Variants in BCL2L14 observed in about 807,000 individuals in gnomAD.
BCL2L14 encodes BCL2 like 14, also known as apoptosis facilitator Bcl-2-like protein 14.
BCL2L14 carries 27 observed loss-of-function variants against 35.3 expected under a neutral mutation model. That is an observed-to-expected ratio of 0.76 (90% CI 0.56 to 1.05). BCL2L14 has a LOEUF of 1.05. Among genes scored for constraint, BCL2L14 ranks in the 50% least tolerant of loss-of-function variants. The pLI is 0.00. For synonymous variants in BCL2L14, 139 were observed against 145.9 expected (o/e 0.95, Z 0.34); for missense variants, 377 against 382.6 (o/e 0.99, Z 0.12).
chr12:12,088,225 A>T (rs1422922866), intron 3 of BCL2L14, among the ~76,000 whole-genome samples: 1 of 152,180 alleles, frequency 6.6e-6, no homozygotes, highest in Non-Finnish European at 1.5e-5. Flanking sequence ...GGGAACCCAA[A>T]TGTGACTTCT....
chr12:12,062,426 T>C lies in BCL2L14; in HGVS notation c.-272+10579T>C, dbSNP rs549194658. The stretch of plus-strand genomic sequence containing the variant: ...CCAGCAAAGGCAGGCTATACTATAG[T>C]ACAAGCCACTAGCCCGCCTCTTAGA... On this transcript the variant is annotated intron_variant, in intron 2 of 3. Coordinates refer to the BCL2L14 transcript ENST00000461264. 9.3e-3 allele frequency among the ~76,000 whole-genome samples: 1,403 copies of C among 150,128 alleles called. 22 individuals carry two copies. Among genetic ancestry groups the C allele is most frequent in the Middle Eastern group, 0.014 (4 of 294 alleles).
At chr12:12,058,299 A>G (rs1359007362) in intron 2 of BCL2L14, among the ~76,000 whole-genome samples, 1 of 149,346 alleles carries the variant, frequency 6.7e-6, no homozygotes, top group African/African-American at 2.5e-5. Context: ...TGCCCAGGCT[A>G]GAGTGCAGTG....
At chr12:12,075,145 C>CA (rs1948752355) in intron 1 of BCL2L14, among the ~76,000 whole-genome samples, 1 of 151,502 alleles carries the variant, frequency 6.6e-6, no homozygotes, top group Non-Finnish European at 1.5e-5. Context: ...ATTTTTGAGA[C>CA]AGAGTCTCCG....
At chr12:12,084,545 T>C (rs1402342037) in intron 2 of BCL2L14, among the ~76,000 whole-genome samples, 1 of 152,118 alleles carries the variant, frequency 6.6e-6, no homozygotes, top group African/African-American at 2.4e-5. Context: ...GGCCTGCTCT[T>C]CCTGGCGCCA....
chr12:12,098,219 A>G (rs1949357544), intron 5 of BCL2L14, among the ~76,000 whole-genome samples: 1 of 152,176 alleles, frequency 6.6e-6, no homozygotes, highest in African/African-American at 2.4e-5. Flanking sequence ...AAGTGTCTCG[A>G]TGGCTCTCTC....
intron 2 of BCL2L14, chr12:12,055,126 C>T (rs941749445): frequency 6.6e-6 from 1 of 152,156 alleles, no homozygotes; most frequent in Non-Finnish European, 1.5e-5. Context: ...TTTGCTCCCA[C>T]TCACACATCT....
intron 2 of BCL2L14, among the ~76,000 whole-genome samples, chr12:12,086,735 C>T (rs1949050750): frequency 6.6e-6 from 1 of 152,176 alleles, no homozygotes; most frequent in Non-Finnish European, 1.5e-5. Context: ...ATCTCATTGC[C>T]CTGAGAGCAG....
chr12:12,087,176 G>A (rs1293930578), intron 2 of BCL2L14, 37 bp from the exon 3 acceptor site: 2 of 1,605,636 alleles, frequency 1.2e-6, no homozygotes, highest in Non-Finnish European at 1.7e-6. Flanking sequence ...ATGAAGTTCT[G>A]GGAAGGGCCT....
intron 1 of BCL2L14, among the ~76,000 whole-genome samples, chr12:12,076,258 G>A (rs747186292): frequency 6.6e-6 from 1 of 151,924 alleles, no homozygotes; most frequent in Non-Finnish European, 1.5e-5. Context: ...GAGCGGGAAG[G>A]GGTAAGTGGA....
In BCL2L14 at chr12:12,080,028, C is replaced by T. The variant is rs530000247; in HGVS notation, c.433+290C>T. ...GACCATCCTGGCTAACACGGTAAAA[C>T]CCCGTCTCCACTAAAAAATACAAAA... On this transcript the variant is annotated intron_variant, in intron 2 of 5. Coordinates refer to ENST00000308721, the MANE Select transcript of BCL2L14 (RefSeq NM_138723.2). 1.1e-4 allele frequency among the ~76,000 whole-genome samples: 17 copies of T among 152,048 alleles called. 1 individual carries two copies. Among genetic ancestry groups the T allele is most frequent in the East Asian group, 7.8e-4 (4 of 5,148 alleles).
chr12:12,071,977 G>T (rs1055866841), intron 1 of BCL2L14: 17 of 152,500 alleles, frequency 1.1e-4, no homozygotes, highest in African/African-American at 4.1e-4. Flanking sequence ...TGCTGTGGGA[G>T]GCTCCGTGGG....
chr12:12,052,494 T>G (rs563859292), intron 2 of BCL2L14, among the ~76,000 whole-genome samples: 2 of 152,352 alleles, frequency 1.3e-5, no homozygotes, highest in Admixed American at 1.3e-4. Flanking sequence ...GTGCCTGGCT[T>G]ATTTCACTTA....
At chr12:12,086,806 T>A (rs2136764240) in intron 2 of BCL2L14, among the ~76,000 whole-genome samples, 1 of 152,328 alleles carries the variant, frequency 6.6e-6, no homozygotes, top group East Asian at 1.9e-4. Flanking sequence ...AATGTCCTCC[T>A]ATGCATGTAG....
chr12:12,056,550 C>T (rs373512478), intron 2 of BCL2L14, among the ~76,000 whole-genome samples: 4 of 152,318 alleles, frequency 2.6e-5, no homozygotes, highest in African/African-American at 9.6e-5. Context: ...AGTTAATAGG[C>T]TGGGCACGGT....
intron 2 of BCL2L14, among the ~76,000 whole-genome samples, chr12:12,056,924 C>T (rs1279233634): frequency 6.6e-6 from 1 of 152,178 alleles, no homozygotes; most frequent in Admixed American, 6.5e-5. Flanking sequence ...ATCAAAGAGA[C>T]TGAAGGGGAC....
intron 2 of BCL2L14, among the ~76,000 whole-genome samples, chr12:12,063,024 C>T (rs966220580): frequency 2.0e-5 from 3 of 152,206 alleles, no homozygotes; most frequent in South Asian, 4.1e-4. Context: ...AAGGTACAGC[C>T]CATTTGAGCT....
chr12:12,050,767 CACACTA>C (rs1948341152), intron 1 of BCL2L14, among the ~76,000 whole-genome samples: 1 of 111,134 alleles, frequency 9.0e-6, no homozygotes, highest in Admixed American at 1.0e-4. Flanking sequence ...ACACATAAAA[CACACTA>C]ACACTAATAG....
At position 12,060,887 on chromosome 12, in the gene BCL2L14, G is replaced by A. The variant is rs368570177; in HGVS notation, c.-272+9040G>A. Among the ~76,000 whole-genome samples, 70 of 75,238 alleles carry A rather than the reference G, an allele frequency of 9.3e-4. 9 individuals are homozygous for A. The highest frequency in any genetic ancestry group is 3.7e-3 in the African/African-American group (66 of 17,824). The allele number at this position is 75,238 out of a possible 152,430, so 49.4% of individuals were successfully genotyped here. A position where few individuals can be genotyped will look rare whatever the true frequency, so the allele number is the denominator to read the frequency against. ...GCTGCCCGATAGCTTCGGAAGTCCC[G>A]TAGACCATCACAGATGCCGAGCTTT... On this transcript the variant is annotated intron_variant, in intron 2 of 3. Coordinates refer to the BCL2L14 transcript ENST00000461264.
At position 12,091,977 on chromosome 12, in the gene BCL2L14, A is replaced by G. The variant is rs1591835700; in HGVS notation, c.678+1128A>G. Among the ~76,000 whole-genome samples the G allele has an allele frequency of 3.9e-5, 6 of 152,226 alleles. 1 individual carries two copies. The highest frequency in any genetic ancestry group is 1.4e-4 in the African/African-American group (6 of 41,452). On this transcript the variant is annotated intron_variant, in intron 4 of 5. Coordinates refer to ENST00000308721, the MANE Select transcript of BCL2L14 (RefSeq NM_138723.2). Reference sequence around the variant, plus strand: ...CATTCCAGGCTGCCCATGAGAGTCAACGGGTGCCTTGTGAGAGAATGATCT... The same window carrying G: ...CATTCCAGGCTGCCCATGAGAGTCAGCGGGTGCCTTGTGAGAGAATGATCT...
Sources: allele counts gnomAD v4.1 joint callset (sites outside exome capture counted in the v4.1 genomes callset), GRCh38; gene constraint gnomAD v4.1.1; transcripts MANE v1.5; gene names NCBI Gene and HGNC (gene_info 2026-07-23, HGNC 2026-07-21).